DNM3: variants seen among roughly 807,000 people sequenced by gnomAD.
DNM3 encodes the protein dynamin-3.
DNM3 carries 47 observed loss-of-function variants against 101.6 expected under a neutral mutation model. That is an observed-to-expected ratio of 0.46 (90% confidence interval 0.37 to 0.59). DNM3 has a LOEUF of 0.59. DNM3 is among the 20% of genes least tolerant of loss of function. The pLI, the probability that DNM3 is intolerant of heterozygous loss-of-function variation, is 0.00. For missense variants in DNM3, 849 were observed against 1,085.7 expected, an observed-to-expected ratio of 0.78 and a Z score of 3.06; for synonymous variants, 385 against 387.9, an observed-to-expected ratio of 0.99 and a Z score of 0.09.
At chr1:172,208,046 C>T (rs78534759) in intron 14 of DNM3, among the ~76,000 whole-genome samples, 330 of 152,014 alleles carry the variant, frequency 2.2e-3, no homozygotes, top group African/African-American at 7.7e-3. Flanking sequence ...AAAATCCTTG[C>T]TTGTCCAAAG....
intron 2 of DNM3, among the ~76,000 whole-genome samples, chr1:171,928,813 C>G (rs1056828523): frequency 6.6e-6 from 1 of 152,116 alleles, no homozygotes; most frequent in Non-Finnish European, 1.5e-5. Context: ...GGAATGGGCA[C>G]CCATCTAACA....
chr1:172,418,286 C>T, exon 21 of DNM3: 2 of 1,288,866 alleles, frequency 1.6e-6, no homozygotes, highest in African/African-American at 3.0e-5. Context: ...ACTAGGCGAC[C>T]CCCTCCTGCA....
intron 14 of DNM3, among the ~76,000 whole-genome samples, chr1:172,141,172 T>C (rs115783936): frequency 1.3e-5 from 2 of 152,126 alleles, no homozygotes; most frequent in African/African-American, 4.8e-5. Context: ...TTAATTATTT[T>C]TCCTAATTTA....
intron 10 of DNM3, among the ~76,000 whole-genome samples, chr1:172,055,874 G>A (rs928085209): frequency 6.6e-6 from 1 of 152,192 alleles, no homozygotes; most frequent in Non-Finnish European, 1.5e-5. Flanking sequence ...TCGGTCTACA[G>A]CTCCCAGCAT....
rs1288969459 is a variant in DNM3, at chr1:172,233,617, T to A, written c.1660-19956T>A. 2.6e-5 allele frequency among the ~76,000 whole-genome samples: 4 copies of A among 152,312 alleles called. No individual in the cohort carries two copies. The East Asian group carries it at 7.7e-4, about 29-fold the overall frequency. On this transcript the variant is annotated intron_variant, in intron 14 of 20. Coordinates refer to ENST00000627582, the MANE Select transcript of DNM3 (RefSeq NM_015569.5). The stretch of plus-strand genomic sequence containing the variant: ...GAGAATTTTAGACCAATATCCCTGA[T>A]GAACATCGATGCAAAAATCCTCAAT...
chr1:172,048,922 A>C (rs2050007599), intron 10 of DNM3, among the ~76,000 whole-genome samples, 172 bp downstream of exon 10: 1 of 152,218 alleles, frequency 6.6e-6, no homozygotes, highest in Non-Finnish European at 1.5e-5. Context: ...TGAAGGGCAG[A>C]CATACTGTCT....
rs574845273 is a variant in DNM3, at chr1:172,331,163, G to A, written c.1893+7823G>A. ...GCCTCCCCATCTTCCTGGACCAATC[G>A]TTCTTCCTTAAATTCCAGTTTCCTA... On this transcript the variant is annotated intron_variant, in intron 17 of 20. Transcript: ENST00000627582. 4.6e-5 allele frequency among the ~76,000 whole-genome samples: 7 copies of A among 152,090 alleles called. No homozygotes were observed. In the East Asian group the frequency reaches 1.2e-3, roughly 25 times the overall value.
chr1:172,415,044 A>C (rs2071382632), downstream of DNM3, among the ~76,000 whole-genome samples: 1 of 152,218 alleles, frequency 6.6e-6, no homozygotes, highest in Non-Finnish European at 1.5e-5. Flanking sequence ...TGATCGTGCC[A>C]CTGCATTCCA....
chr1:172,251,172 A>G (rs544537433), intron 14 of DNM3, among the ~76,000 whole-genome samples: 1 of 152,136 alleles, frequency 6.6e-6, no homozygotes, highest in Non-Finnish European at 1.5e-5. Flanking sequence ...CATAGAACTG[A>G]CAAAAAAGAT....
At chr1:172,274,697 T>A (rs1255193003) in intron 15 of DNM3, among the ~76,000 whole-genome samples, 3 of 150,354 alleles carry the variant, frequency 2.0e-5, no homozygotes, top group Admixed American at 6.7e-5. Context: ...CCTGAAACAC[T>A]GGTTTTTAAA....
At chr1:172,141,787 GACTA>G (rs1371092226) in intron 14 of DNM3, among the ~76,000 whole-genome samples, 2 of 152,042 alleles carry the variant, frequency 1.3e-5, no homozygotes, top group African/African-American at 4.8e-5. Context: ...TAAGCCTATT[GACTA>G]ACTACAGGAA....
intron 15 of DNM3, among the ~76,000 whole-genome samples, chr1:172,255,149 A>T (rs2062346660): frequency 6.6e-6 from 1 of 152,170 alleles, no homozygotes. Flanking sequence ...AATCGACAGG[A>T]AAGAAAATTA....
intron 4 of DNM3, among the ~76,000 whole-genome samples, chr1:172,015,432 C>G (rs1366938131): frequency 6.6e-6 from 1 of 152,110 alleles, no homozygotes; most frequent in Non-Finnish European, 1.5e-5. Flanking sequence ...TTTAGTTCTT[C>G]TTTAATATCT....
intron 2 of DNM3, among the ~76,000 whole-genome samples, chr1:171,927,999 A>C (rs1295332411): frequency 2.0e-5 from 3 of 151,886 alleles, no homozygotes; most frequent in Non-Finnish European, 4.4e-5. Context: ...TGTAGATTGA[A>C]TACAGTTGAT....
chr1:172,279,323 G>A lies in DNM3; in HGVS notation c.1769+25641G>A, dbSNP rs116379050. On this transcript the variant is annotated intron_variant, in intron 15 of 20. Transcript: ENST00000627582. The stretch of plus-strand genomic sequence containing the variant: ...TCTCTTATGTCTATACATTTGCACA[G>A]AATACTAGTGTATGGGTGTTTGCAC... Among the ~76,000 whole-genome samples, 628 of 152,202 alleles carry A rather than the reference G, an allele frequency of 4.1e-3. 9 individuals are homozygous for A. The highest frequency in any genetic ancestry group is 0.014 in the African/African-American group (591 of 41,532).
intron 14 of DNM3, among the ~76,000 whole-genome samples, chr1:172,223,076 T>G (rs2060968641): frequency 6.6e-6 from 1 of 152,076 alleles, no homozygotes; most frequent in Non-Finnish European, 1.5e-5. Flanking sequence ...CATTTCTTTA[T>G]AGTGGGTACA....
chr1:171,846,479 A>G (rs977578348), intron 1 of DNM3, among the ~76,000 whole-genome samples: 2 of 152,174 alleles, frequency 1.3e-5, no homozygotes, highest in Admixed American at 1.3e-4. Context: ...AGGGTAGGCT[A>G]TTGGGTTCTC....
At chr1:171,854,274 C>T (rs2033329474) in intron 1 of DNM3, among the ~76,000 whole-genome samples, 1 of 152,132 alleles carries the variant, frequency 6.6e-6, no homozygotes, top group Non-Finnish European at 1.5e-5. Context: ...CCTGCCTGTG[C>T]CTCAGCTTCC....
rs529691106 is a variant in DNM3, at chr1:172,200,766, TA to T, written c.1660-52806del. 1.1e-3 allele frequency among the ~76,000 whole-genome samples: 168 copies of T among 152,294 alleles called. 1 individual carries two copies. The highest frequency in any genetic ancestry group is 3.6e-3 in the African/African-American group (150 of 41,584). The stretch of plus-strand genomic sequence containing the variant: ...TGTCAGACTCATTAGATTCTTTTTA[TA>T]CTGGCTATTTTGTCCTTCAGCTCCT... On this transcript the variant is annotated intron_variant, in intron 14 of 20. Coordinates refer to ENST00000627582, the MANE Select transcript of DNM3 (RefSeq NM_015569.5).
Sources: gnomAD v4.1 joint callset for allele counts (sites outside exome capture counted in the v4.1 genomes callset) on GRCh38, gnomAD v4.1.1 for gene constraint, MANE v1.5 for transcripts, NCBI Gene and HGNC (gene_info 2026-07-23, HGNC 2026-07-21) for gene names.